The following ACSL3 variants were observed in gnomAD, a reference collection of about 807,000 sequenced individuals.
ACSL3 encodes the protein acyl-CoA synthetase long chain family member 3.
In ACSL3, 34 loss-of-function variants were observed where a neutral mutation model predicts 84.7. The observed-to-expected ratio is 0.40, with a 90% CI of 0.31 to 0.53. The LOEUF (loss-of-function observed/expected upper bound fraction) is 0.53, where lower values mean the gene tolerates loss of function less well. ACSL3 is among the 20% of genes least tolerant of loss of function. The pLI is 0.48. For missense variants in ACSL3, 680 were observed against 873.1 expected (o/e 0.78, Z 2.79); for synonymous variants, 315 against 299.4 (o/e 1.05, Z -0.54).
chr2:222,894,288 C>T (rs540649889), intron 2 of ACSL3, among the ~76,000 whole-genome samples: 10 of 152,266 alleles, frequency 6.6e-5, no homozygotes, highest in East Asian at 3.9e-4. Context: ...CTGTGTTCTT[C>T]CTCTCAAATA....
chr2:222,883,600 C>G (rs999045110), intron 1 of ACSL3, among the ~76,000 whole-genome samples: 2 of 152,170 alleles, frequency 1.3e-5, no homozygotes, highest in South Asian at 2.1e-4. Context: ...CCAGTCCTTT[C>G]AAACTGAAGA....
chr2:222,912,902 T>C (rs1204224879), intron 4 of ACSL3, among the ~76,000 whole-genome samples: 1 of 152,210 alleles, frequency 6.6e-6, no homozygotes, highest in African/African-American at 2.4e-5. Flanking sequence ...AGCTGGAACC[T>C]GTGTCAGCAT....
rs1012281070 is a variant in ACSL3, at chr2:222,870,616, G to A, written c.-207+9358G>A. On this transcript the variant is annotated intron_variant, in intron 1 of 16. Coordinates refer to ENST00000357430, the MANE Select transcript of ACSL3 (RefSeq NM_004457.5). ...TGCCTAATCAATTTAGATGCTAAGA[G>A]ATAACTAGGCTTTGAATGTATGCAG... Among the ~76,000 whole-genome samples, 13 of 152,350 alleles carry A rather than the reference G, an allele frequency of 8.5e-5. No homozygotes were observed. The East Asian group carries it at 2.5e-3, about 29-fold the overall frequency.
rs1697010135 is a variant in ACSL3 at position 222,930,811 on chromosome 2, T to C, written c.1731T>C (p.Ile577=). ...AACCCGATGGATGCTTAAAGATTAT[T>C]GGTAAGTCATCTAATATTTTTTTGA... is the stretch of plus-strand genomic sequence containing the variant. The part of the protein sequence containing the change: ...EFEPDGCLKI[I]DRKKDLVKLQ... Residue 577 remains isoleucine, a splice_region_variant and synonymous_variant, in exon 14 of 17, where the codon ATT becomes ATC. Coordinates refer to ENST00000357430, the MANE Select transcript of ACSL3 (RefSeq NM_004457.5). 3 of 1,587,972 alleles carry C rather than the reference T, an allele frequency of 1.9e-6. No homozygotes were observed. The African/African-American group carries it at 4.1e-5, about 22-fold the overall frequency.
chr2:222,872,956 G>T (rs1266910529), intron 1 of ACSL3, among the ~76,000 whole-genome samples: 2 of 152,126 alleles, frequency 1.3e-5, no homozygotes, highest in African/African-American at 2.4e-5. Context: ...GCCACAGCAT[G>T]CATGAGACAG....
chr2:222,862,052 A>G (rs1436312606), intron 1 of ACSL3, among the ~76,000 whole-genome samples: 1 of 152,214 alleles, frequency 6.6e-6, no homozygotes, highest in Non-Finnish European at 1.5e-5. Flanking sequence ...CTCGAAAATG[A>G]AAAGGCTGGA....
At chr2:222,886,553 C>G (rs1695727053) in intron 1 of ACSL3, among the ~76,000 whole-genome samples, 1 of 152,146 alleles carries the variant, frequency 6.6e-6, no homozygotes, top group African/African-American at 2.4e-5. Context: ...TTAAAAATAA[C>G]TATATAATGA....
At chr2:222,922,913 A>G in intron 9 of ACSL3, 82 bp downstream of exon 9, 1 of 1,558,704 alleles carries the variant, frequency 6.4e-7, no homozygotes, top group Admixed American at 1.9e-5. Context: ...ATGACAGTAT[A>G]TTGCGAGAGC....
chr2:222,935,579 G>A (rs945914215), intron 16 of ACSL3, among the ~76,000 whole-genome samples: 3 of 152,068 alleles, frequency 2.0e-5, no homozygotes, highest in African/African-American at 7.2e-5. Context: ...AGTCAGCCCT[G>A]TGGTACATGC....
chr2:222,931,998 G>T (rs1429387258), intron 14 of ACSL3, among the ~76,000 whole-genome samples: 1 of 152,106 alleles, frequency 6.6e-6, no homozygotes, highest in Non-Finnish European at 1.5e-5. Context: ...TTGTGCCACT[G>T]CACTCCAGTA....
intron 11 of ACSL3, among the ~76,000 whole-genome samples, chr2:222,926,629 T>C (rs1021918550): frequency 6.6e-6 from 1 of 152,168 alleles, no homozygotes; most frequent in African/African-American, 2.4e-5. Context: ...ATAAAGTACA[T>C]TAAAGCAAAA....
chr2:222,862,711 A>AG (rs1403715794), intron 1 of ACSL3, among the ~76,000 whole-genome samples: 1 of 98,030 alleles, frequency 1.0e-5, no homozygotes, highest in Non-Finnish European at 2.3e-5. Context: ...CTTTTGTATA[A>AG]AAATATTGGT....
intron 5 of ACSL3, among the ~76,000 whole-genome samples, chr2:222,917,183 G>C (rs1237397773): frequency 1.3e-5 from 2 of 152,086 alleles, no homozygotes; most frequent in Admixed American, 6.6e-5. Flanking sequence ...TCTGCCTCCC[G>C]GGTTCAAGCA....
chr2:222,921,089 C>A, intron 7 of ACSL3, 191 bp from the exon 8 acceptor site: 1 of 704,420 alleles, frequency 1.4e-6, no homozygotes, highest in Non-Finnish European at 2.6e-6. Context: ...TTGTATATCT[C>A]AATAGAATAT....
chr2:222,878,858 A>G (rs186654436), intron 1 of ACSL3, among the ~76,000 whole-genome samples: 10 of 152,160 alleles, frequency 6.6e-5, no homozygotes, highest in Non-Finnish European at 8.8e-5. Context: ...AGGTCCTACT[A>G]ATTTTACCTC....
At chr2:222,928,677 T>TA (rs1474942733) in intron 12 of ACSL3, among the ~76,000 whole-genome samples, 185 bp from the exon 13 acceptor site, 1 of 151,260 alleles carries the variant, frequency 6.6e-6, no homozygotes, top group Non-Finnish European at 1.5e-5. Context: ...AACCTCAATG[T>TA]AGGCCAAAAA....
In ACSL3 at chr2:222,924,482, T is replaced by C; in HGVS notation, c.1179T>C (p.Asn393=). ...VPEIMDRIYK[N]VMNKVSEMSS... ...AAATCATGGATCGGATCTACAAAAATGTCATGAATAAAGTCAGTGAAATGA... is the reference window on the plus strand; with the variant it reads ...AAATCATGGATCGGATCTACAAAAACGTCATGAATAAAGTCAGTGAAATGA... Residue 393 remains asparagine, a synonymous_variant, in exon 11 of 17, where the codon AAT becomes AAC. Coordinates refer to ENST00000357430, the MANE Select transcript of ACSL3 (RefSeq NM_004457.5). 6.2e-7 allele frequency: 1 copy of C among 1,606,654 alleles called. No homozygotes were observed. Among genetic ancestry groups the C allele is most frequent in the East Asian group, 2.2e-5 (1 of 44,616 alleles).
At chr2:222,941,471 C>T (rs756632871) in intron 16 of ACSL3, 26 bp from the exon 17 acceptor site, 13 of 1,380,400 alleles carry the variant, frequency 9.4e-6, no homozygotes, top group South Asian at 2.8e-5. Flanking sequence ...ACCTTTTCTT[C>T]TTTTCTTTTT....
intron 2 of ACSL3, among the ~76,000 whole-genome samples, chr2:222,898,226 T>G (rs1696039714): frequency 6.6e-6 from 1 of 152,230 alleles, no homozygotes. Context: ...TCAGCATTTT[T>G]TCCTGGACAC....
Sources: gnomAD v4.1 joint callset for allele counts (sites outside exome capture counted in the v4.1 genomes callset) on GRCh38, gnomAD v4.1.1 for gene constraint, MANE v1.5 for transcripts, NCBI Gene and HGNC (gene_info 2026-07-23, HGNC 2026-07-21) for gene names.